Variants in AHI1 observed in about 807,000 individuals in gnomAD.
AHI1 encodes Abelson helper integration site 1, also known as jouberin.
In AHI1, 123 loss-of-function variants were observed where a neutral mutation model predicts 149.3. That is an observed-to-expected ratio of 0.82 (90% CI 0.71 to 0.96). The LOEUF is 0.96. AHI1 is among the 40% of genes least tolerant of loss of function. The probability of loss-of-function intolerance (pLI) is 0.00; values close to 1 mark genes in which losing one functional copy is unlikely to be tolerated. For synonymous variants in AHI1, 475 were observed against 459.8 expected, an observed-to-expected ratio of 1.03 and a Z score of -0.42; for missense variants, 1,439 against 1,422.7, an observed-to-expected ratio of 1.01 and a Z score of -0.18.
chr6:135,298,251 T>C (rs1304529021), intron 27 of AHI1, among the ~76,000 whole-genome samples: 2 of 151,040 alleles, frequency 1.3e-5, no homozygotes, highest in African/African-American at 4.9e-5. Flanking sequence ...AAGTTTCTTC[T>C]AGATACCTTA....
intron 25 of AHI1, among the ~76,000 whole-genome samples, chr6:135,319,601 A>T (rs762783641): frequency 3.9e-5 from 6 of 152,218 alleles, no homozygotes; most frequent in Non-Finnish European, 8.8e-5. Context: ...TATTCTATAT[A>T]ATCTATTGAA....
chr6:135,438,375 C>G lies in AHI1; in HGVS notation c.2036G>C (p.Arg679Thr). The G allele has an allele frequency of 6.3e-7, 1 of 1,580,504 alleles. No homozygotes were observed. The highest frequency in any genetic ancestry group is 8.6e-7 in the Non-Finnish European group (1 of 1,161,348). ...ATAAGTACTTCTCAAGGATACTAAC[C>G]TGGCAGTGCCATCAGATGATGAAGT... ...ILTSSSDGTARIWKNEINNTN... is the reference protein window; with the variant it reads ...ILTSSSDGTATIWKNEINNTN... The change falls in exon 15 of 29, where the codon AGG becomes ACG. Residue 679 changes from arginine to threonine, a missense_variant and splice_region_variant. Coordinates refer to ENST00000265602, the MANE Select transcript of AHI1 (RefSeq NM_001134831.2).
rs546710816 is a variant in AHI1 at position 135,411,886 on chromosome 6, CCTCT to C, written c.2765-346_2765-343del. ...TGCTAAAATAATATTTATTCACAAG[CCTCT>C]CTAAAACAACTATTTTCATATTTCT... On this transcript the variant is annotated intron_variant, in intron 20 of 28. Coordinates refer to ENST00000265602, the MANE Select transcript of AHI1 (RefSeq NM_001134831.2). 1.9e-3 allele frequency among the ~76,000 whole-genome samples: 295 copies of C among 152,174 alleles called. 1 individual carries two copies. The highest frequency in any genetic ancestry group is 3.1e-3 in the Non-Finnish European group (213 of 67,980).
At chr6:135,422,373 C>T (rs968479543) in intron 20 of AHI1, among the ~76,000 whole-genome samples, 11 of 151,886 alleles carry the variant, frequency 7.2e-5, no homozygotes, top group African/African-American at 7.2e-5. Context: ...CGAAATTAGT[C>T]GAGTATCCTG....
At chr6:135,333,343 TGACACTAG>T (rs1788882194) in intron 24 of AHI1, among the ~76,000 whole-genome samples, 1 of 152,176 alleles carries the variant, frequency 6.6e-6, no homozygotes, top group African/African-American at 2.4e-5. Context: ...TTACTAATAG[TGACACTAG>T]GACTATATTT....
intron 24 of AHI1, among the ~76,000 whole-genome samples, chr6:135,329,297 C>T (rs1788179074): frequency 6.6e-6 from 1 of 152,170 alleles, no homozygotes; most frequent in Non-Finnish European, 1.5e-5. Context: ...GGCTTAAAAG[C>T]TTCAAAGAAC....
intron 21 of AHI1, among the ~76,000 whole-genome samples, chr6:135,410,803 T>C: frequency 6.6e-6 from 1 of 152,234 alleles, no homozygotes; most frequent in Non-Finnish European, 1.5e-5. Flanking sequence ...CTGTTTCTTA[T>C]AGCAAAGCAT....
intron 18 of AHI1, among the ~76,000 whole-genome samples, chr6:135,428,976 T>C (rs1188005867): frequency 6.6e-6 from 1 of 151,560 alleles, no homozygotes; most frequent in African/African-American, 2.4e-5. Flanking sequence ...AGGAGAAACA[T>C]GTCAACGTAA....
chr6:135,479,198 G>A (rs1793202305), intron 5 of AHI1, among the ~76,000 whole-genome samples: 2 of 152,376 alleles, frequency 1.3e-5, no homozygotes, highest in South Asian at 4.1e-4. Flanking sequence ...CTGCCTAGGG[G>A]CACTGCCTAG....
At chr6:135,322,853 T>G (rs1015965555) in intron 25 of AHI1, among the ~76,000 whole-genome samples, 1 of 152,184 alleles carries the variant, frequency 6.6e-6, no homozygotes, top group African/African-American at 2.4e-5. Flanking sequence ...AGAGAAGAAC[T>G]GACAGAACTG....
chr6:135,417,347 T>C (rs1211855807), intron 20 of AHI1, among the ~76,000 whole-genome samples: 2 of 152,136 alleles, frequency 1.3e-5, no homozygotes, highest in East Asian at 3.9e-4. Flanking sequence ...TGCATAGAAA[T>C]GGCCCAGAAG....
At chr6:135,357,330 A>C (rs1253390113) in intron 24 of AHI1, among the ~76,000 whole-genome samples, 2 of 152,238 alleles carry the variant, frequency 1.3e-5, no homozygotes, top group Non-Finnish European at 2.9e-5. Flanking sequence ...ATGAACATTG[A>C]CATGACTTTC....
chr6:135,325,776 G>A (rs959352342), intron 24 of AHI1, among the ~76,000 whole-genome samples: 1 of 152,108 alleles, frequency 6.6e-6, no homozygotes, highest in Non-Finnish European at 1.5e-5. Context: ...CAACTTTAAT[G>A]AGTCTCATGC....
At chr6:135,431,128 A>C in intron 17 of AHI1, 80 bp downstream of exon 17, 2 of 870,744 alleles carry the variant, frequency 2.3e-6, no homozygotes, top group Non-Finnish European at 1.7e-6. Flanking sequence ...GAATGTCCTG[A>C]CATCCTATCT....
intron 5 of AHI1, among the ~76,000 whole-genome samples, chr6:135,488,883 G>A (rs1192273746): frequency 6.6e-6 from 1 of 152,142 alleles, no homozygotes; most frequent in Non-Finnish European, 1.5e-5. Flanking sequence ...CTTCCACTCA[G>A]TGTTTGAATC....
At chr6:135,370,600 GT>G (rs1307723489) in intron 23 of AHI1, among the ~76,000 whole-genome samples, 1 of 152,122 alleles carries the variant, frequency 6.6e-6, no homozygotes, top group Non-Finnish European at 1.5e-5. Flanking sequence ...TTAAGTGACT[GT>G]TTGTCTTTAC....
intron 23 of AHI1, among the ~76,000 whole-genome samples, chr6:135,366,229 T>C (rs1197861942): frequency 1.3e-5 from 2 of 151,790 alleles, no homozygotes; most frequent in East Asian, 1.9e-4. Context: ...ATCAGGGATA[T>C]TGGTCTGCAG....
chr6:135,340,880 T>C (rs1790267534), intron 24 of AHI1, among the ~76,000 whole-genome samples: 1 of 151,204 alleles, frequency 6.6e-6, no homozygotes, highest in Non-Finnish European at 1.5e-5. Context: ...TGAAATTAAC[T>C]TGGTATTAAT....
At chr6:135,480,480 AC>A (rs1359151818) in intron 5 of AHI1, among the ~76,000 whole-genome samples, 4 of 151,738 alleles carry the variant, frequency 2.6e-5, no homozygotes, top group Non-Finnish European at 5.9e-5. Flanking sequence ...GAAGAAAGAA[AC>A]TCACAAAAGT....
Sources: gnomAD v4.1 joint callset for allele counts (sites outside exome capture counted in the v4.1 genomes callset) on GRCh38, gnomAD v4.1.1 for gene constraint, MANE v1.5 for transcripts, NCBI Gene and HGNC (gene_info 2026-07-23, HGNC 2026-07-21) for gene names.